TNS3: variants seen among roughly 807,000 people sequenced by gnomAD.
TNS3 encodes tensin 3.
In TNS3, 45 loss-of-function variants were observed where a neutral mutation model predicts 140.9. The ratio of observed to expected loss-of-function variants is 0.32; its 90% confidence interval spans 0.25 to 0.41. TNS3 has a LOEUF of 0.41. Ranked by LOEUF, TNS3 falls within the 10% of genes least tolerant of loss-of-function variation. The pLI, the probability that TNS3 is intolerant of heterozygous loss-of-function variation, is 1.00. For missense variants in TNS3, 1,716 were observed against 1,906.7 expected, an observed-to-expected ratio of 0.90 and a Z score of 1.86; for synonymous variants, 815 against 788.4, an observed-to-expected ratio of 1.03 and a Z score of -0.56.
chr7:47,452,229 A>C (rs1796046616), intron 4 of TNS3, among the ~76,000 whole-genome samples: 1 of 152,222 alleles, frequency 6.6e-6, no homozygotes, highest in Non-Finnish European at 1.5e-5. Flanking sequence ...CTGTGACCAC[A>C]ATGCCCATTT....
rs755553657 is a variant in TNS3, at chr7:47,303,028, C to T, written c.3379G>A (p.Gly1127Arg). Residue 1127 changes from glycine (G) to arginine (R), a missense_variant, in exon 22 of 31, where the codon GGG becomes AGG. Transcript: ENST00000311160. Reference sequence around the variant, plus strand: ...GGGAAGGGGATACTGATGGTGCTCCCGCTGTGCGGGCTGGAGAAGCCACTG... The same window carrying T: ...GGGAAGGGGATACTGATGGTGCTCCTGCTGTGCGGGCTGGAGAAGCCACTG... ...SSSGFSSPHS[G>R]STISIPFPNV... 5.0e-6 allele frequency: 8 copies of T among 1,613,952 alleles called. No homozygotes were observed. In the African/African-American group the frequency reaches 5.3e-5, roughly 11 times the overall value.
intron 1 of TNS3, among the ~76,000 whole-genome samples, chr7:47,571,361 C>T (rs1800550259): frequency 2.0e-5 from 3 of 152,232 alleles, no homozygotes; most frequent in Non-Finnish European, 4.4e-5. Flanking sequence ...GGGGTGCCAC[C>T]TGGGTTCCTG....
chr7:47,475,705 G>A (rs1797170603), intron 4 of TNS3, among the ~76,000 whole-genome samples: 1 of 152,234 alleles, frequency 6.6e-6, no homozygotes, highest in Admixed American at 6.5e-5. Context: ...GTGTATGAAG[G>A]TAAACACAGG....
chr7:47,488,505 T>C (rs988226340), intron 3 of TNS3, among the ~76,000 whole-genome samples: 7 of 152,180 alleles, frequency 4.6e-5, no homozygotes, highest in Non-Finnish European at 8.8e-5. Flanking sequence ...CCCCGTGTCC[T>C]CACGTGGCCA....
intron 14 of TNS3, 151 bp from the exon 15 acceptor site, chr7:47,400,609 T>C: frequency 7.7e-7 from 1 of 1,296,970 alleles, no homozygotes; most frequent in Non-Finnish European, 1.1e-6. Flanking sequence ...GCAGTTTCAT[T>C]GGTTATCCAT....
chr7:47,322,320 A>C (rs1787787343), intron 20 of TNS3, among the ~76,000 whole-genome samples: 1 of 151,932 alleles, frequency 6.6e-6, no homozygotes, highest in South Asian at 2.1e-4. Flanking sequence ...TCAGGAATTC[A>C]AGACCAGCCT....
At chr7:47,564,878 C>T (rs1483187200) in intron 1 of TNS3, among the ~76,000 whole-genome samples, 4 of 151,824 alleles carry the variant, frequency 2.6e-5, no homozygotes, top group African/African-American at 7.3e-5. Flanking sequence ...CAGACATGTC[C>T]CCTTCTCACA....
Position 47,283,739 on chromosome 7 carries a change from T to G in TNS3, c.4055A>C (p.Lys1352Thr). ...CAGGGTGATGCCCTGGGCTGACACC[T>G]TGAAGTGCACAACTGTGGACACAGG... ...PPPVSTVVHF[K>T]VSAQGITLTD... Residue 1352 changes from lysine (K) to threonine (T), a missense_variant, in exon 28 of 31, where the codon AAG becomes ACG. Physicochemically the swap from Lys to Thr is moderately conservative, Grantham distance 78 (BLOSUM62 -1). Coordinates refer to ENST00000311160, the MANE Select transcript of TNS3 (RefSeq NM_022748.12). 1 of 1,604,686 alleles carries G rather than the reference T, an allele frequency of 6.2e-7. No homozygotes were observed. Among genetic ancestry groups the G allele is most frequent in the Non-Finnish European group, 8.5e-7 (1 of 1,175,696 alleles).
At chr7:47,351,025 T>G in intron 17 of TNS3, among the ~76,000 whole-genome samples, 1 of 152,202 alleles carries the variant, frequency 6.6e-6, no homozygotes, top group East Asian at 1.9e-4. Flanking sequence ...CCATTCATAT[T>G]TTTTCGGAAA....
chr7:47,524,907 G>T (rs62448396), intron 2 of TNS3, among the ~76,000 whole-genome samples: 19,752 of 151,466 alleles, frequency 0.13, 1,692 homozygotes, highest in Middle Eastern at 0.19. Flanking sequence ...AAAGAAGAAA[G>T]GGATAAACCA....
chr7:47,520,873 T>C (rs1024463465), intron 2 of TNS3, among the ~76,000 whole-genome samples: 2 of 152,104 alleles, frequency 1.3e-5, no homozygotes, highest in East Asian at 1.9e-4. Context: ...GCCCTCAGGG[T>C]TGGGGGACTC....
chr7:47,400,499 T>C (rs1158005912), intron 14 of TNS3, 41 bp from the exon 15 acceptor site: 1 of 1,599,666 alleles, frequency 6.3e-7, no homozygotes, highest in East Asian at 2.2e-5. Flanking sequence ...GTGGAGACAA[T>C]TAACCGGAAA....
intron 7 of TNS3, 143 bp downstream of exon 7, chr7:47,437,120 T>C: frequency 2.0e-6 from 1 of 511,066 alleles, no homozygotes; most frequent in Non-Finnish European, 3.5e-6. Context: ...GAAAAAAAAG[T>C]AATTAAAATA....
At chr7:47,528,393 G>C (rs1799276052) in intron 2 of TNS3, among the ~76,000 whole-genome samples, 3 of 152,144 alleles carry the variant, frequency 2.0e-5, no homozygotes, top group Non-Finnish European at 4.4e-5. Flanking sequence ...CAACCCCGCA[G>C]ATGAAATGAT....
At chr7:47,387,690 G>A (rs1392708599) in intron 16 of TNS3, among the ~76,000 whole-genome samples, 1 of 152,216 alleles carries the variant, frequency 6.6e-6, no homozygotes, top group African/African-American at 2.4e-5. Context: ...GAAAGAAGTA[G>A]ATGAGACAGT....
intron 20 of TNS3, among the ~76,000 whole-genome samples, chr7:47,343,537 A>C (rs1789142233): frequency 6.6e-6 from 1 of 152,222 alleles, no homozygotes. Flanking sequence ...AACCCACTGA[A>C]CACTTTCAAG....
chr7:47,535,997 C>CA (rs2151954299), intron 1 of TNS3, among the ~76,000 whole-genome samples: 1 of 152,314 alleles, frequency 6.6e-6, no homozygotes, highest in African/African-American at 2.4e-5. Flanking sequence ...AGACACTGAT[C>CA]AAAAACACAT....
In TNS3 at chr7:47,283,819, G is replaced by A. The variant is rs370272173; in HGVS notation, c.3975C>T (p.Thr1325=). Residue 1325 remains threonine (T), a synonymous_variant, in exon 28 of 31, where the codon ACC becomes ACT. Coordinates refer to ENST00000311160, the MANE Select transcript of TNS3 (RefSeq NM_022748.12). The part of the protein sequence containing the change: ...YLNSVEMESL[T]GHQAIQKALS... Reference sequence around the variant, plus strand: ...GGGCCTTCTGGATCGCCTGGTGGCCGGTGAGGGACTCCATCTCCACAGAGT... The same window carrying A: ...GGGCCTTCTGGATCGCCTGGTGGCCAGTGAGGGACTCCATCTCCACAGAGT... 8.1e-5 allele frequency: 130 copies of A among 1,610,230 alleles called. 2 individuals carry two copies. In the Middle Eastern group the frequency reaches 9.9e-4, roughly 12 times the overall value.
At chr7:47,446,434 T>G (rs888438126) in intron 4 of TNS3, among the ~76,000 whole-genome samples, 9 of 152,168 alleles carry the variant, frequency 5.9e-5, no homozygotes, top group Admixed American at 4.6e-4. Context: ...TGATTAGAGT[T>G]TCCATGAGAT....
Sources: allele counts gnomAD v4.1 joint callset (sites outside exome capture counted in the v4.1 genomes callset), GRCh38; gene constraint gnomAD v4.1.1; transcripts MANE v1.5; gene names NCBI Gene and HGNC (gene_info 2026-07-23, HGNC 2026-07-21).